Variants in PPP2R2B observed in about 807,000 individuals in gnomAD.
PPP2R2B encodes protein phosphatase 2 regulatory subunit Bbeta.
Under a neutral mutation model 46.0 loss-of-function variants are expected in PPP2R2B, and 5 were observed. The ratio of observed to expected loss-of-function variants is 0.11; its 90% CI spans 0.06 to 0.23. The LOEUF is 0.23. Ranked by LOEUF, PPP2R2B falls within the 10% of genes least tolerant of loss-of-function variation. PPP2R2B has a pLI of 1.00. For synonymous variants in PPP2R2B, 215 were observed against 206.7 expected, an observed-to-expected ratio of 1.04 and a Z score of -0.34; for missense variants, 367 against 575.0, an observed-to-expected ratio of 0.64 and a Z score of 3.70.
intron 7 of PPP2R2B, among the ~76,000 whole-genome samples, chr5:146,634,268 T>G (rs1168002697): frequency 6.6e-6 from 1 of 152,162 alleles, no homozygotes; most frequent in Non-Finnish European, 1.5e-5. Context: ...AACATTGTAT[T>G]TTTCCCCCCT....
intron 2 of PPP2R2B, among the ~76,000 whole-genome samples, chr5:146,788,300 C>T (rs1331256874): frequency 1.3e-5 from 2 of 151,534 alleles, no homozygotes; most frequent in East Asian, 3.9e-4. Flanking sequence ...CCACACTCAC[C>T]AGCCACATTT....
chr5:146,803,233 C>T (rs563364513), intron 2 of PPP2R2B, among the ~76,000 whole-genome samples: 1 of 152,112 alleles, frequency 6.6e-6, no homozygotes, highest in African/African-American at 2.4e-5. Flanking sequence ...ATTTGTAATG[C>T]AAAATTTCCC....
At chr5:146,840,142 A>T (rs1044954368) in intron 2 of PPP2R2B, among the ~76,000 whole-genome samples, 1 of 152,238 alleles carries the variant, frequency 6.6e-6, no homozygotes, top group Admixed American at 6.5e-5. Flanking sequence ...GAGCAGCAGT[A>T]GTGAAAACAG....
intron 2 of PPP2R2B, among the ~76,000 whole-genome samples, chr5:146,767,664 A>G (rs1754571727): frequency 6.6e-6 from 1 of 152,156 alleles, no homozygotes; most frequent in Non-Finnish European, 1.5e-5. Context: ...CCACACATGC[A>G]CAGCCTCCCC....
chr5:146,964,968 T>C (rs150539157), intron 1 of PPP2R2B, among the ~76,000 whole-genome samples: 3 of 152,298 alleles, frequency 2.0e-5, no homozygotes, highest in South Asian at 4.1e-4. Flanking sequence ...ATGAAGATAA[T>C]ATACCATTTG....
chr5:147,051,755 T>A (rs921887879), intron 1 of PPP2R2B, among the ~76,000 whole-genome samples: 1 of 85,720 alleles, frequency 1.2e-5, no homozygotes, highest in Admixed American at 1.6e-4. Context: ...TTTGCTTCCT[T>A]TTTTTTTTTT....
chr5:146,594,922 TTC>T (rs1485327747), intron 8 of PPP2R2B, among the ~76,000 whole-genome samples: 1 of 152,228 alleles, frequency 6.6e-6, no homozygotes, highest in Non-Finnish European at 1.5e-5. Context: ...CTGCGGCTCT[TTC>T]TCTTCCTTCG....
At chr5:147,002,293 A>T (rs996491548) in intron 1 of PPP2R2B, among the ~76,000 whole-genome samples, 15 of 152,160 alleles carry the variant, frequency 9.9e-5, no homozygotes, top group Admixed American at 3.9e-4. Flanking sequence ...CTCTTCAGAC[A>T]AGCAGGCCTA....
At chr5:146,842,790 AT>A (rs1200503455) in intron 2 of PPP2R2B, among the ~76,000 whole-genome samples, 3 of 152,308 alleles carry the variant, frequency 2.0e-5, no homozygotes, top group Non-Finnish European at 4.4e-5. Flanking sequence ...CGGCCTCCTT[AT>A]CTGCTAATAA....
At chr5:146,838,145 A>G (rs1331558127) in intron 2 of PPP2R2B, among the ~76,000 whole-genome samples, 2 of 152,132 alleles carry the variant, frequency 1.3e-5, no homozygotes, top group Non-Finnish European at 2.9e-5. Flanking sequence ...AGCTTGGTAG[A>G]CCCTGTGTTG....
intron 7 of PPP2R2B, among the ~76,000 whole-genome samples, chr5:146,621,933 C>T (rs1331515452): frequency 2.0e-5 from 3 of 152,156 alleles, no homozygotes; most frequent in East Asian, 1.9e-4. Context: ...ATCTCCACTG[C>T]TGCTCAGGTA....
chr5:147,047,914 T>C (rs1756616754), intron 1 of PPP2R2B, among the ~76,000 whole-genome samples: 1 of 152,128 alleles, frequency 6.6e-6, no homozygotes. Context: ...AGAGAGATTT[T>C]CTCCCAGAGC....
intron 6 of PPP2R2B, 76 bp from the exon 7 acceptor site, chr5:146,638,491 C>T: frequency 7.4e-7 from 1 of 1,342,910 alleles, no homozygotes; most frequent in Non-Finnish European, 1.0e-6. Flanking sequence ...AGCAATGGCA[C>T]CATCTTATAT....
chr5:147,066,068 T>G (rs1757407212), intron 2 of PPP2R2B, among the ~76,000 whole-genome samples: 2 of 152,160 alleles, frequency 1.3e-5, no homozygotes, highest in East Asian at 3.9e-4. Flanking sequence ...TTGTTAAGCC[T>G]GCTCTCTTAA....
rs111261586 is a variant in PPP2R2B, at chr5:146,637,022, T to G, written c.790+1229A>C. Among the ~76,000 whole-genome samples, 1,257 of 152,334 alleles carry G rather than the reference T, an allele frequency of 8.3e-3. 18 individuals carry two copies. The highest frequency in any genetic ancestry group is 0.029 in the African/African-American group (1,195 of 41,572). The stretch of plus-strand genomic sequence containing the variant: ...ATGTCTCAACCGTCTCTGAATGGCC[T>G]AACCCATAATTATCTCCATCATTCA... On this transcript the variant is annotated intron_variant, in intron 7 of 9. Transcript: ENST00000394411.
At chr5:146,646,146 G>A (rs191407437) in intron 6 of PPP2R2B, among the ~76,000 whole-genome samples, 67 of 152,228 alleles carry the variant, frequency 4.4e-4, no homozygotes, top group African/African-American at 1.5e-3. Flanking sequence ...CTCTGAAAGC[G>A]GCAAATTTGT....
chr5:146,926,148 A>G (rs1763775547), intron 1 of PPP2R2B, among the ~76,000 whole-genome samples: 1 of 152,044 alleles, frequency 6.6e-6, no homozygotes, highest in Admixed American at 6.6e-5. Flanking sequence ...CAGAGTTTCT[A>G]TTAACTGTTT....
chr5:147,068,503 G>A (rs1310574886), intron 2 of PPP2R2B, among the ~76,000 whole-genome samples: 2 of 152,234 alleles, frequency 1.3e-5, no homozygotes, highest in East Asian at 3.9e-4. Context: ...AGTAATATCT[G>A]AGTTGTTTTT....
intron 2 of PPP2R2B, among the ~76,000 whole-genome samples, chr5:146,861,054 C>CTTTTTTT (rs1211197915): frequency 2.9e-5 from 3 of 101,720 alleles, no homozygotes; most frequent in Admixed American, 1.1e-4. Context: ...TGAATTTTTT[C>CTTTTTTT]TTTTTTTTTT....
Sources: allele counts gnomAD v4.1 joint callset (sites outside exome capture counted in the v4.1 genomes callset), GRCh38; gene constraint gnomAD v4.1.1; transcripts MANE v1.5; gene names NCBI Gene and HGNC (gene_info 2026-07-23, HGNC 2026-07-21).